The following CATSPERT variants were observed in gnomAD, a reference collection of about 807,000 sequenced individuals.
The protein encoded by CATSPERT is cation channel sperm-associated targeting subunit tau.
At chr2:201,524,167 C>T in the CATSPERT span, among the ~76,000 whole-genome samples, 1,977 of 152,036 alleles carry the variant, frequency 0.013, 45 homozygotes, top group African/African-American at 0.044. Flanking sequence ...GACATATAGT[C>T]ATCAGATTCT....
chr2:201,519,940 AC>A, the CATSPERT span, among the ~76,000 whole-genome samples: 667 of 90,928 alleles, frequency 7.3e-3, 5 homozygotes, highest in Non-Finnish European at 0.012. Flanking sequence ...GAATCACTTC[AC>A]TGTCAAACAC....
the CATSPERT span, among the ~76,000 whole-genome samples, chr2:201,562,995 A>C: frequency 6.7e-6 from 1 of 150,366 alleles, no homozygotes; most frequent in Admixed American, 6.6e-5. Flanking sequence ...CAAAGCCGCC[A>C]TTGTCATCCT....
At chr2:201,533,114 A>C in the CATSPERT span, among the ~76,000 whole-genome samples, 2 of 152,352 alleles carry the variant, frequency 1.3e-5, no homozygotes, top group East Asian at 3.8e-4. Flanking sequence ...AGATATTTAG[A>C]AGTGTAACAT....
chr2:201,530,006 C>T, the CATSPERT span, among the ~76,000 whole-genome samples: 1 of 152,130 alleles, frequency 6.6e-6, no homozygotes, highest in Admixed American at 6.5e-5. Flanking sequence ...ACTAAAAATA[C>T]TCAATATCTC....
At chr2:201,607,249 G>A in the CATSPERT span, among the ~76,000 whole-genome samples, 99 of 152,310 alleles carry the variant, frequency 6.5e-4, no homozygotes, top group East Asian at 8.5e-3. Context: ...CTCTCTGGCT[G>A]TGTTACCCTG....
the CATSPERT span, among the ~76,000 whole-genome samples, chr2:201,528,708 T>C: frequency 4.0e-4 from 61 of 152,020 alleles, no homozygotes; most frequent in Non-Finnish European, 8.8e-5. Context: ...GAGCTAAACA[T>C]TGAATACACA....
the CATSPERT span, among the ~76,000 whole-genome samples, chr2:201,589,039 A>G: frequency 1.3e-5 from 2 of 152,198 alleles, no homozygotes; most frequent in Admixed American, 6.5e-5. Context: ...CTAGGAGTAC[A>G]GCTAACTAGA....
chr2:201,571,565 A>C, the CATSPERT span, among the ~76,000 whole-genome samples: 1 of 152,242 alleles, frequency 6.6e-6, no homozygotes, highest in Admixed American at 6.5e-5. Flanking sequence ...ACCGCAGAGC[A>C]GAAAACTGAT....
At chr2:201,528,225 C>T in the CATSPERT span, among the ~76,000 whole-genome samples, 2 of 152,116 alleles carry the variant, frequency 1.3e-5, no homozygotes, top group South Asian at 4.1e-4. Flanking sequence ...CATCTCACAC[C>T]ATTCAGAATG....
the CATSPERT span, among the ~76,000 whole-genome samples, chr2:201,512,274 A>G: frequency 6.6e-6 from 1 of 152,330 alleles, no homozygotes; most frequent in African/African-American, 2.4e-5. Flanking sequence ...GTTGTAAGAA[A>G]TAACAGAGAG....
the CATSPERT span, chr2:201,535,735 G>A: frequency 2.2e-6 from 3 of 1,339,296 alleles, no homozygotes; most frequent in South Asian, 7.0e-5. Context: ...ATTTCCACTT[G>A]GAGACATTTG....
the CATSPERT span, chr2:201,551,175 C>G: frequency 2.0e-5 from 3 of 152,010 alleles, no homozygotes; most frequent in Non-Finnish European, 4.4e-5. Flanking sequence ...GCTGCATAGC[C>G]TAGAAATATT....
chr2:201,578,431 T>C, the CATSPERT span, among the ~76,000 whole-genome samples: 2 of 152,172 alleles, frequency 1.3e-5, no homozygotes, highest in African/African-American at 4.8e-5. Context: ...TAATTTTTAC[T>C]TTAAATAGTC....
chr2:201,572,971 A>G, the CATSPERT span, among the ~76,000 whole-genome samples: 8 of 152,340 alleles, frequency 5.3e-5, no homozygotes, highest in Admixed American at 5.2e-4. Flanking sequence ...AACTTTAGAA[A>G]GGAAAAACTG....
At chr2:201,618,838 AC>A in the CATSPERT span, 1 of 1,521,376 alleles carries the variant, frequency 6.6e-7, no homozygotes, top group South Asian at 1.2e-5. Context: ...TCCTTTCACC[AC>A]CCTCCAGGTG....
At chr2:201,549,147 T>G in the CATSPERT span, among the ~76,000 whole-genome samples, 1 of 152,160 alleles carries the variant, frequency 6.6e-6, no homozygotes, top group Admixed American at 6.5e-5. Flanking sequence ...TAACAAAGAT[T>G]AAAACCTGCA....
chr2:201,535,955 A>C, the CATSPERT span: 1 of 1,592,634 alleles, frequency 6.3e-7, no homozygotes, highest in Non-Finnish European at 8.6e-7. Flanking sequence ...TTTGCCAGCT[A>C]ATTTCTGTTG....
chr2:201,493,045 A>G, the CATSPERT span: 1 of 1,536,470 alleles, frequency 6.5e-7, no homozygotes, highest in Non-Finnish European at 8.7e-7. Context: ...AGAAGGTTGA[A>G]TTAGTCTTTC....
At chr2:201,600,241 G>A in the CATSPERT span, among the ~76,000 whole-genome samples, 1 of 152,276 alleles carries the variant, frequency 6.6e-6, no homozygotes, top group South Asian at 2.1e-4. Context: ...ATACACCATG[G>A]AATACTATGC....
Sources: allele counts gnomAD v4.1 joint callset (sites outside exome capture counted in the v4.1 genomes callset), GRCh38; gene constraint gnomAD v4.1.1; transcripts MANE v1.5; gene names NCBI Gene and HGNC (gene_info 2026-07-23, HGNC 2026-07-21).